KLK15: variants seen among roughly 807,000 people sequenced by gnomAD.
The protein encoded by KLK15 is kallikrein-15.
KLK15 carries 19 observed loss-of-function variants against 21.1 expected under a neutral mutation model. The ratio of observed to expected loss-of-function variants is 0.90; its 90% CI spans 0.63 to 1.32. KLK15 has a LOEUF of 1.32. Among genes scored for constraint, KLK15 ranks in the 40% most tolerant of loss-of-function variants. The pLI, the probability that KLK15 is intolerant of heterozygous loss-of-function variation, is 0.00. For missense variants in KLK15, 345 were observed against 348.6 expected, an observed-to-expected ratio of 0.99 and a Z score of 0.08; for synonymous variants, 141 against 141.5, an observed-to-expected ratio of 1.00 and a Z score of 0.03.
At chr19:50,833,155 G>A (rs974626419), upstream of KLK15, 4 of 152,294 alleles carry the variant, frequency 2.6e-5, no homozygotes, top group African/African-American at 9.7e-5. Flanking sequence ...ATGGGGCTCA[G>A]GTCAGGTTCT....
upstream of KLK15, among the ~76,000 whole-genome samples, chr19:50,831,989 AT>A (rs913679338): frequency 1.5e-4 from 22 of 149,990 alleles, no homozygotes; most frequent in East Asian, 3.9e-4. Flanking sequence ...TTTTTTGGAA[AT>A]TTTTTTTTTT....
At chr19:50,827,680 G>T (rs1383374843) in exon 2 of KLK15, 1 of 1,610,862 alleles carries the variant, frequency 6.2e-7, no homozygotes, top group Non-Finnish European at 8.5e-7. Context: ...GCAGTGGGCC[G>T]CAGACAGCAC....
chr19:50,833,193 G>C (rs1400875780), upstream of KLK15: 1 of 152,244 alleles, frequency 6.6e-6, no homozygotes, highest in East Asian at 1.9e-4. Context: ...TGCCCCACCT[G>C]GGGCCTGGTA....
chr19:50,829,752 G>T (rs1373546906), intron 1 of KLK15, among the ~76,000 whole-genome samples: 2 of 151,844 alleles, frequency 1.3e-5, no homozygotes, highest in African/African-American at 4.8e-5. Context: ...GGGAGGCGGA[G>T]GTTGCAGTGA....
chr19:50,833,363 A>G (rs1010630571), upstream of KLK15, among the ~76,000 whole-genome samples: 2 of 151,790 alleles, frequency 1.3e-5, no homozygotes, highest in Admixed American at 1.3e-4. Flanking sequence ...ATTCCAGGAC[A>G]TTTTCTTGGT....
intron 4 of KLK15, 65 bp downstream of exon 5, chr19:50,826,556 C>T (rs2089881996): frequency 1.3e-5 from 19 of 1,501,342 alleles, no homozygotes; most frequent in Admixed American, 6.9e-5. Context: ...AATCCAACCC[C>T]ATCCGGACTC....
chr19:50,832,903 C>T (rs2090014817), upstream of KLK15, among the ~76,000 whole-genome samples: 1 of 152,236 alleles, frequency 6.6e-6, no homozygotes, highest in Admixed American at 6.5e-5. Flanking sequence ...TCCAGTACTG[C>T]AGGGCCCGAC....
At chr19:50,831,604 A>G, upstream of KLK15, 1 of 781,794 alleles carries the variant, frequency 1.3e-6, no homozygotes, top group Non-Finnish European at 1.9e-6. Flanking sequence ...GACTTATCCC[A>G]TCCACTGTTA....
At chr19:50,831,699 C>T (rs2089988158), upstream of KLK15, among the ~76,000 whole-genome samples, 1 of 152,152 alleles carries the variant, frequency 6.6e-6, no homozygotes, top group Admixed American at 6.5e-5. Flanking sequence ...GGAAGGTTTA[C>T]TCTTCCTCTA....
intron 3 of KLK15, 31 bp from the exon 5 acceptor site, chr19:50,826,788 C>T (rs1416622990): frequency 6.3e-7 from 1 of 1,596,114 alleles, no homozygotes; most frequent in South Asian, 1.1e-5. Context: ...GGAGCAGATC[C>T]ATAAATTCCG....
downstream of KLK15, chr19:50,825,588 A>T (rs1294892241): frequency 1.5e-5 from 7 of 461,580 alleles, no homozygotes; most frequent in Non-Finnish European, 2.7e-5. Context: ...CCTACAGAGC[A>T]ACTTGGATCA....
intron 1 of KLK15, among the ~76,000 whole-genome samples, chr19:50,830,148 C>T (rs997986672): frequency 7.2e-6 from 1 of 138,906 alleles, no homozygotes; most frequent in African/African-American, 2.6e-5. Flanking sequence ...ATACCCACTG[C>T]ACACGTGCAT....
rs2089983473 is a variant in KLK15, at chr19:50,831,429, C to T, written c.43+21G>A. On this transcript the variant is annotated intron_variant, in intron 1 of 4. Coordinates refer to ENST00000598239, the Ensembl canonical transcript of KLK15. ...GGGCACCTGCTCCCACAGACCTGGC[C>T]CCCTCCTGGGGCCACCTCACCTGTG... The T allele has an allele frequency of 2.1e-6, 3 of 1,414,686 alleles. No individual in the cohort carries two copies. The South Asian group carries it at 4.7e-5, about 22-fold the overall frequency. 87.6% of individuals were successfully genotyped at this position (1,414,686 alleles called of 1,614,324 possible). A position where few individuals can be genotyped will look rare whatever the true frequency, so the allele number is the denominator to read the frequency against.
chr19:50,831,755 C>T (rs1166255867), upstream of KLK15, among the ~76,000 whole-genome samples: 2 of 152,090 alleles, frequency 1.3e-5, no homozygotes, highest in Non-Finnish European at 2.9e-5. Context: ...TGTCAGCCTC[C>T]AGCACCATGC....
At chr19:50,829,498 T>C (rs1012999674) in intron 1 of KLK15, among the ~76,000 whole-genome samples, 4 of 151,702 alleles carry the variant, frequency 2.6e-5, no homozygotes, top group Admixed American at 2.0e-4. Flanking sequence ...CTATAATAAA[T>C]AGTCAAGGTT....
At position 50,826,771 on chromosome 19, in the gene KLK15, T is replaced by G; in HGVS notation, c.482-14A>C. On this transcript the variant is annotated splice_polypyrimidine_tract_variant and intron_variant, in intron 3 of 4. Coordinates refer to ENST00000598239, the Ensembl canonical transcript of KLK15. ...CTGGGAGACTCACTGGGGAAGACAGTGGACTTGGAGCAGATCCATAAATTC... is the reference window on the plus strand; with the variant it reads ...CTGGGAGACTCACTGGGGAAGACAGGGGACTTGGAGCAGATCCATAAATTC... 1 of 1,606,520 alleles carries G rather than the reference T, an allele frequency of 6.2e-7. No individual in the cohort carries two copies. Among genetic ancestry groups the G allele is most frequent in the South Asian group, 1.1e-5 (1 of 89,464 alleles).
At chr19:50,831,815 CT>C (rs397938582), upstream of KLK15, among the ~76,000 whole-genome samples, 1,697 of 143,066 alleles carry the variant, frequency 0.012, 26 homozygotes, top group African/African-American at 0.035. Context: ...CCTGTCCCAA[CT>C]TTTTTTTTTT....
chr19:50,827,932 C>T (rs2089913199), intron 1 of KLK15, 117 bp from the exon 3 acceptor site: 4 of 880,762 alleles, frequency 4.5e-6, no homozygotes, highest in Non-Finnish European at 1.6e-6. Context: ...CTTCTCAAGA[C>T]ACCCTGCCCT....
At chr19:50,832,322 C>CTT (rs773163899), upstream of KLK15, among the ~76,000 whole-genome samples, 2,312 of 109,354 alleles carry the variant, frequency 0.021, 124 homozygotes, top group African/African-American at 0.072. Flanking sequence ...CTTTTTTTTT[C>CTT]TTTTTTTTTT....
Sources: gnomAD v4.1 joint callset for allele counts (sites outside exome capture counted in the v4.1 genomes callset) on GRCh38, gnomAD v4.1.1 for gene constraint, MANE v1.5 for transcripts, NCBI Gene and HGNC (gene_info 2026-07-23, HGNC 2026-07-21) for gene names.